The following NRG1 variants were observed in gnomAD, a reference collection of about 807,000 sequenced individuals.
The protein encoded by NRG1 is neuregulin 1.
Under a neutral mutation model 63.8 loss-of-function variants are expected in NRG1, and 18 were observed. The observed-to-expected ratio is 0.28, with a 90% confidence interval of 0.19 to 0.42. NRG1 has a LOEUF of 0.42. Ranked by LOEUF, NRG1 falls within the 10% of genes least tolerant of loss-of-function variation. The probability of loss-of-function intolerance (pLI) is 1.00; values close to 1 mark genes in which losing one functional copy is unlikely to be tolerated. For missense variants in NRG1, 762 were observed against 814.7 expected (o/e 0.94, Z 0.79); for synonymous variants, 302 against 301.3 (o/e 1.00, Z -0.02).
chr8:31,862,986 C>T (rs796391959), intron 1 of NRG1, among the ~76,000 whole-genome samples: 14 of 152,256 alleles, frequency 9.2e-5, no homozygotes, highest in African/African-American at 3.4e-4. Context: ...CATGTGTTAG[C>T]AACCCAAGTA....
At chr8:31,661,890 A>T (rs1159332438) in intron 1 of NRG1, among the ~76,000 whole-genome samples, 1 of 152,228 alleles carries the variant, frequency 6.6e-6, no homozygotes, top group Non-Finnish European at 1.5e-5. Flanking sequence ...ACAGTGCTGA[A>T]CAAAGACCTC....
rs1323055004 is a variant in NRG1 at position 31,639,845 on chromosome 8, C to A, written c.37+414C>A. ...CATAAACAACTCTCCTACCCCTGCACCCCCAATAAATAAATAAAAGGAGGA... is the reference window on the plus strand; with the variant it reads ...CATAAACAACTCTCCTACCCCTGCAACCCCAATAAATAAATAAAAGGAGGA... On this transcript the variant is annotated intron_variant, in intron 1 of 10. Transcript: ENST00000519301. The A allele has an allele frequency of 3.5e-6, 4 of 1,145,398 alleles. No homozygotes were observed. The African/African-American group carries it at 4.9e-5, about 14-fold the overall frequency. 71.0% of individuals were successfully genotyped at this position (1,145,398 alleles called of 1,614,324 possible).
chr8:31,896,068 T>C (rs55899471), intron 1 of NRG1, among the ~76,000 whole-genome samples: 501 of 152,242 alleles, frequency 3.3e-3, no homozygotes, highest in African/African-American at 0.012. Context: ...TTCAGTAAAA[T>C]TAAATTGTTT....
chr8:32,525,391 G>GT (rs1830726560), intron 1 of NRG1, among the ~76,000 whole-genome samples: 13 of 145,890 alleles, frequency 8.9e-5, no homozygotes, highest in Admixed American at 6.1e-4. Context: ...ATGAGGTAGG[G>GT]GTGTGTGTGT....
At chr8:32,552,145 G>A (rs892471344) in intron 1 of NRG1, among the ~76,000 whole-genome samples, 6 of 150,404 alleles carry the variant, frequency 4.0e-5, no homozygotes, top group Non-Finnish European at 7.4e-5. Flanking sequence ...TCTTGACCTC[G>A]CAATCCACAT....
intron 1 of NRG1, among the ~76,000 whole-genome samples, chr8:32,201,749 A>G (rs1489631753): frequency 3.9e-5 from 6 of 152,218 alleles, no homozygotes; most frequent in Non-Finnish European, 8.8e-5. Flanking sequence ...AGACCGTAGA[A>G]AATAATGATG....
chr8:32,707,430 G>C (rs965830690), intron 5 of NRG1, among the ~76,000 whole-genome samples: 1 of 152,030 alleles, frequency 6.6e-6, no homozygotes, highest in African/African-American at 2.4e-5. Flanking sequence ...TCTCAGAACT[G>C]TTTCAGAGCA....
rs566985618 is a variant in NRG1, at chr8:31,700,576, C to G, written c.37+61145C>G. Among the ~76,000 whole-genome samples, 3 of 152,224 alleles carry G rather than the reference C, an allele frequency of 2.0e-5. No individual in the cohort carries two copies. The East Asian group carries it at 5.8e-4, about 29-fold the overall frequency. On this transcript the variant is annotated intron_variant, in intron 1 of 10. Transcript: ENST00000519301. ...TGAGGCATCTTAATGAGAACATAGC[C>G]TGATTTTGGAAGGAATGGAATGAAG... is the stretch of plus-strand genomic sequence containing the variant.
At chr8:31,688,916 T>C (rs1585679016) in intron 1 of NRG1, among the ~76,000 whole-genome samples, 2 of 152,204 alleles carry the variant, frequency 1.3e-5, no homozygotes, top group Admixed American at 6.5e-5. Flanking sequence ...AAAATCAAGG[T>C]GTCAGGAGGG....
At chr8:31,757,011 C>T (rs1040843023) in intron 1 of NRG1, among the ~76,000 whole-genome samples, 1 of 152,152 alleles carries the variant, frequency 6.6e-6, no homozygotes, top group Non-Finnish European at 1.5e-5. Context: ...CATTCAATAT[C>T]ACCATTCTCT....
intron 1 of NRG1, among the ~76,000 whole-genome samples, chr8:31,975,045 G>A (rs1807931571): frequency 6.6e-6 from 1 of 152,110 alleles, no homozygotes; most frequent in South Asian, 2.1e-4. Flanking sequence ...GGTCTTTACT[G>A]TGTATGTCAT....
In NRG1 at chr8:32,333,294, C is replaced by T. The variant is rs1019869980; in HGVS notation, c.38-262534C>T. Reference sequence around the variant, plus strand: ...TCACTCAGCAGTCACCCCATGTCACCTGGCAAAGCCCTAATTTATTTTTTT... The same window carrying T: ...TCACTCAGCAGTCACCCCATGTCACTTGGCAAAGCCCTAATTTATTTTTTT... On this transcript the variant is annotated intron_variant, in intron 1 of 10. Transcript: ENST00000519301. 4.6e-5 allele frequency among the ~76,000 whole-genome samples: 7 copies of T among 152,172 alleles called. No individual in the cohort carries two copies. In the South Asian group the frequency reaches 8.3e-4, roughly 18 times the overall value.
At chr8:31,709,744 A>G (rs912413512) in intron 1 of NRG1, among the ~76,000 whole-genome samples, 1 of 151,982 alleles carries the variant, frequency 6.6e-6, no homozygotes, top group Non-Finnish European at 1.5e-5. Flanking sequence ...CATAGAGCTG[A>G]ATAAAATAGT....
intron 1 of NRG1, among the ~76,000 whole-genome samples, chr8:32,552,210 CTTTTT>C (rs35243877): frequency 8.0e-6 from 1 of 124,766 alleles, no homozygotes; most frequent in Non-Finnish European, 1.7e-5. Flanking sequence ...CGCTTGGCCG[CTTTTT>C]TTTTTTTTTT....
At chr8:31,907,276 G>C (rs1399344656) in intron 1 of NRG1, among the ~76,000 whole-genome samples, 2 of 151,282 alleles carry the variant, frequency 1.3e-5, no homozygotes, top group Non-Finnish European at 1.5e-5. Flanking sequence ...CTTTCCTCAA[G>C]GAAAAGACTG....
At chr8:32,163,263 C>G (rs1839039994) in intron 1 of NRG1, among the ~76,000 whole-genome samples, 1 of 152,156 alleles carries the variant, frequency 6.6e-6, no homozygotes, top group Non-Finnish European at 1.5e-5. Flanking sequence ...CTCAAGCCTC[C>G]TTTGTATGTG....
chr8:32,411,056 A>G (rs934978067), intron 1 of NRG1, among the ~76,000 whole-genome samples: 6 of 152,004 alleles, frequency 3.9e-5, no homozygotes, highest in Admixed American at 1.3e-4. Context: ...TTGTGTTTGT[A>G]GTAGAGACAG....
chr8:32,349,651 C>T (rs1225530857), intron 1 of NRG1, among the ~76,000 whole-genome samples: 2 of 152,100 alleles, frequency 1.3e-5, no homozygotes, highest in African/African-American at 2.4e-5. Context: ...CTTGGTTACA[C>T]GAGTAAATTG....
At chr8:32,082,550 C>G (rs1378757385) in intron 1 of NRG1, among the ~76,000 whole-genome samples, 2 of 152,162 alleles carry the variant, frequency 1.3e-5, no homozygotes, top group East Asian at 1.9e-4. Flanking sequence ...AAATAAAGCA[C>G]TACCCTTGAG....
Sources: allele counts gnomAD v4.1 joint callset (sites outside exome capture counted in the v4.1 genomes callset), GRCh38; gene constraint gnomAD v4.1.1; transcripts MANE v1.5; gene names NCBI Gene and HGNC (gene_info 2026-07-23, HGNC 2026-07-21).